Variants in TRPS1 observed in about 807,000 individuals in gnomAD.
TRPS1 encodes the protein transcriptional repressor GATA binding 1.
TRPS1 carries 6 observed loss-of-function variants against 101.2 expected under a neutral mutation model. The observed-to-expected ratio is 0.06, with a 90% CI of 0.03 to 0.12. The LOEUF (loss-of-function observed/expected upper bound fraction) is 0.12. Among genes scored for constraint, TRPS1 ranks in the 10% least tolerant of loss-of-function variants. The pLI, the probability that TRPS1 is intolerant of heterozygous loss-of-function variation, is 1.00. For synonymous variants in TRPS1, 578 were observed against 589.8 expected (o/e 0.98, Z 0.29); for missense variants, 1,363 against 1,567.0 (o/e 0.87, Z 2.20).
chr8:115,588,670 G>A lies in TRPS1; in HGVS notation c.2097-1066C>T, dbSNP rs564239410. Reference sequence around the variant, plus strand: ...TATTTTGTTTAACTATAAAAACTGTGTATGGCTGTCTAAATAAATATCAGG... The same window carrying A: ...TATTTTGTTTAACTATAAAAACTGTATATGGCTGTCTAAATAAATATCAGG... On this transcript the variant is annotated intron_variant, in intron 4 of 6. Coordinates refer to ENST00000395715, the MANE Select transcript of TRPS1 (RefSeq NM_014112.5). 3.2e-4 allele frequency among the ~76,000 whole-genome samples: 48 copies of A among 152,260 alleles called. 2 individuals carry two copies. Among genetic ancestry groups the A allele is most frequent in the Admixed American group, 2.9e-3 (44 of 15,300 alleles).
chr8:115,557,982 A>G (rs991533065), intron 5 of TRPS1, among the ~76,000 whole-genome samples: 1 of 152,066 alleles, frequency 6.6e-6, no homozygotes, highest in African/African-American at 2.4e-5. Context: ...TTATGGTACA[A>G]TTATGAGGTG....
At chr8:115,657,694 A>G (rs961248561) in intron 1 of TRPS1, among the ~76,000 whole-genome samples, 3 of 152,154 alleles carry the variant, frequency 2.0e-5, no homozygotes, top group African/African-American at 7.2e-5. Context: ...GAAGTACTGC[A>G]TAACTAAAAT....
intron 5 of TRPS1, chr8:115,510,939 A>C (rs1414301714): frequency 3.3e-5 from 5 of 151,968 alleles, no homozygotes; most frequent in African/African-American, 1.2e-4. Flanking sequence ...GCAATACTTC[A>C]TCACTAATTC....
chr8:115,451,731 G>T (rs1813877842), intron 5 of TRPS1, among the ~76,000 whole-genome samples: 1 of 152,166 alleles, frequency 6.6e-6, no homozygotes, highest in African/African-American at 2.4e-5. Context: ...GCCTGGTGGG[G>T]TATCGTTCGT....
intron 5 of TRPS1, among the ~76,000 whole-genome samples, chr8:115,454,722 G>A (rs1327466155): frequency 6.6e-6 from 1 of 152,002 alleles, no homozygotes; most frequent in Non-Finnish European, 1.5e-5. Flanking sequence ...TTTCAACAAA[G>A]AGCTCTATAT....
intron 1 of TRPS1, among the ~76,000 whole-genome samples, chr8:115,629,031 G>T (rs976679736): frequency 1.3e-5 from 2 of 151,782 alleles, no homozygotes; most frequent in Non-Finnish European, 2.9e-5. Context: ...GTCACATAGT[G>T]CCATTTAGCC....
chr8:115,649,293 A>G (rs1811505969), intron 1 of TRPS1, among the ~76,000 whole-genome samples: 1 of 152,202 alleles, frequency 6.6e-6, no homozygotes, highest in Admixed American at 6.5e-5. Flanking sequence ...AAATACCATT[A>G]TAATACTACC....
intron 5 of TRPS1, among the ~76,000 whole-genome samples, chr8:115,507,470 C>T (rs1815474513): frequency 1.3e-5 from 2 of 151,928 alleles, no homozygotes; most frequent in Non-Finnish European, 1.5e-5. Flanking sequence ...ATTATATGGG[C>T]TGATCTCATT....
At chr8:115,456,090 G>T (rs1412705547) in intron 5 of TRPS1, among the ~76,000 whole-genome samples, 3 of 152,114 alleles carry the variant, frequency 2.0e-5, no homozygotes, top group Non-Finnish European at 4.4e-5. Context: ...ACGGTGCCTG[G>T]CCATGGCTTC....
At chr8:115,607,825 C>T (rs1046012781) in intron 3 of TRPS1, among the ~76,000 whole-genome samples, 1 of 152,026 alleles carries the variant, frequency 6.6e-6, no homozygotes, top group Non-Finnish European at 1.5e-5. Flanking sequence ...TAGATGTACA[C>T]TCAAGTCATA....
In TRPS1 at chr8:115,587,336, G is replaced by C. The variant is rs777429635; in HGVS notation, c.2365C>G (p.Leu789Val). 1 of 1,614,182 alleles carries C rather than the reference G, an allele frequency of 6.2e-7. No individual in the cohort carries two copies. Among genetic ancestry groups the C allele is most frequent in the Middle Eastern group, 1.6e-4 (1 of 6,062 alleles). The part of the protein sequence containing the change: ...KREKLEEKDG[L>V]KEKVWTESSS... ...CTCTCGGTCCAAACTTTCTCTTTGA[G>C]CCCGTCCTTCTCTTCCAGCTTCTCT... is the stretch of plus-strand genomic sequence containing the variant. Residue 789 changes from leucine to valine, a missense_variant, in exon 5 of 7, where the codon CTC becomes GTC. Transcript: ENST00000395715.
At chr8:115,451,689 C>A (rs1391839309) in intron 5 of TRPS1, among the ~76,000 whole-genome samples, 3 of 152,108 alleles carry the variant, frequency 2.0e-5, no homozygotes, top group African/African-American at 7.2e-5. Context: ...TCTGTTCAAC[C>A]CTGGCACAAG....
intron 5 of TRPS1, among the ~76,000 whole-genome samples, chr8:115,428,429 A>C (rs1813240706): frequency 6.6e-6 from 1 of 152,214 alleles, no homozygotes; most frequent in Admixed American, 6.5e-5. Context: ...CATTTTTTAT[A>C]GGCTATCCAA....
chr8:115,499,943 CTTTCTTTCTTTCTTTCTTTCT>C (rs55889722), intron 5 of TRPS1, among the ~76,000 whole-genome samples: 29,498 of 110,620 alleles, frequency 0.27, 3,476 homozygotes, highest in East Asian at 0.42. Flanking sequence ...TTCTTTCTTT[CTTTCTTTCTTTCTTTCTTTCT>C]TTTCTTTTCT....
At chr8:115,608,848 A>T (rs1293995213) in intron 3 of TRPS1, among the ~76,000 whole-genome samples, 4 of 151,494 alleles carry the variant, frequency 2.6e-5, no homozygotes, top group Non-Finnish European at 5.9e-5. Context: ...TATTTATTTT[A>T]AAAATTTCTT....
At position 115,414,027 on chromosome 8, in the gene TRPS1, T is replaced by C. The variant is rs1357601065; in HGVS notation, c.3881A>G (p.Glu1294Gly). Residue 1294 changes from glutamate to glycine, a missense_variant, in exon 7 of 7, where the codon GAG becomes GGG. Coordinates refer to ENST00000395715, the MANE Select transcript of TRPS1 (RefSeq NM_014112.5). This position sits in a 1 kb window ranked among gnomAD's most constrained non-coding sequence, Gnocchi z 4.8. ...ATTGTGCTAAGTGCTAAGGTTTTAC[T>C]CTTTAGGTTTTCCATTTTTTTCCAC... is the stretch of plus-strand genomic sequence containing the variant. ...AQVEKNGKPK[E>G] 3 of 1,613,608 alleles carry C rather than the reference T, an allele frequency of 1.9e-6. No individual in the cohort carries two copies. The highest frequency in any genetic ancestry group is 2.5e-6 in the Non-Finnish European group (3 of 1,179,726).
At chr8:115,584,224 TGTATA>T (rs1374495638) in intron 5 of TRPS1, among the ~76,000 whole-genome samples, 3 of 152,028 alleles carry the variant, frequency 2.0e-5, no homozygotes, top group Non-Finnish European at 4.4e-5. Context: ...GATATCACTC[TGTATA>T]GTATTTTTAA....
chr8:115,533,024 C>T (rs947976787), intron 5 of TRPS1, among the ~76,000 whole-genome samples: 1 of 152,028 alleles, frequency 6.6e-6, no homozygotes, highest in African/African-American at 2.4e-5. Flanking sequence ...CGGTCTAAAC[C>T]AAAGGAGTGA....
chr8:115,427,792 C>G (rs1193190372), intron 5 of TRPS1, among the ~76,000 whole-genome samples: 1 of 138,288 alleles, frequency 7.2e-6, no homozygotes, highest in Non-Finnish European at 1.5e-5. Context: ...GTTTTGAGGT[C>G]GACAGACACA....
Sources: allele counts gnomAD v4.1 joint callset (sites outside exome capture counted in the v4.1 genomes callset), GRCh38; gene constraint gnomAD v4.1.1; non-coding constraint Gnocchi (gnomAD v3.1); transcripts MANE v1.5; gene names NCBI Gene and HGNC (gene_info 2026-07-23, HGNC 2026-07-21).